Variants in CFAP20DC observed in about 807,000 individuals in gnomAD.
CFAP20DC encodes the protein CFAP20 domain containing.
CFAP20DC carries 84 observed loss-of-function variants against 101.7 expected under a neutral mutation model. The observed-to-expected ratio is 0.83, with a 90% CI of 0.69 to 0.99. The LOEUF (loss-of-function observed/expected upper bound fraction) is 0.99. Among genes scored for constraint, CFAP20DC ranks in the 50% least tolerant of loss-of-function variants. CFAP20DC has a pLI of 0.00. For missense variants in CFAP20DC, 1,007 were observed against 970.3 expected (o/e 1.04, Z -0.50); for synonymous variants, 359 against 351.2 (o/e 1.02, Z -0.25).
chr3:58,906,729 C>T (rs1406357026), intron 6 of CFAP20DC, among the ~76,000 whole-genome samples: 1 of 152,058 alleles, frequency 6.6e-6, no homozygotes, highest in Non-Finnish European at 1.5e-5. Context: ...GAGTTCAAGA[C>T]CAGCCTAGGG....
In CFAP20DC at chr3:59,046,313, T is replaced by C. The variant is rs1427600930; in HGVS notation, c.121A>G (p.Lys41Glu). The change falls in exon 3 of 17, where the codon AAA becomes GAA. Residue 41 changes from lysine (K) to glutamate (E), a missense_variant. By Grantham distance (56) the Lys-to-Glu change is moderately conservative (BLOSUM62 1). Coordinates refer to ENST00000482387, the MANE Select transcript of CFAP20DC (RefSeq NM_001394063.1). Reference sequence around the variant, plus strand: ...ACAAACACAAAACTTTTAACTTCTTTATCAAACTCCTATAGAACAAAATGA... The same window carrying C: ...ACAAACACAAAACTTTTAACTTCTTCATCAAACTCCTATAGAACAAAATGA... ...SPSVIWKEFD[K>E]EVKSFVFVLE... 6.6e-7 allele frequency: 1 copy of C among 1,525,404 alleles called. No homozygotes were observed. 94.5% of individuals were successfully genotyped at this position (1,525,404 alleles called of 1,614,324 possible).
chr3:58,766,228 C>A (rs1273035469), intron 15 of CFAP20DC, among the ~76,000 whole-genome samples: 1 of 152,144 alleles, frequency 6.6e-6, no homozygotes, highest in Non-Finnish European at 1.5e-5. Flanking sequence ...TACGAATGGG[C>A]ATGGCTGGAT....
At chr3:58,904,814 T>C (rs1559799223) in intron 6 of CFAP20DC, among the ~76,000 whole-genome samples, 1 of 152,190 alleles carries the variant, frequency 6.6e-6, no homozygotes, top group Non-Finnish European at 1.5e-5. Context: ...TCAGTGAGTC[T>C]ATTAAGGCTA....
chr3:58,907,885 T>TAA (rs1408021299), intron 6 of CFAP20DC, among the ~76,000 whole-genome samples: 3 of 152,188 alleles, frequency 2.0e-5, no homozygotes, highest in African/African-American at 7.2e-5. Context: ...CCTTGAACCA[T>TAA]AGTGTGCTTC....
intron 4 of CFAP20DC, among the ~76,000 whole-genome samples, chr3:58,948,283 T>C (rs1389463687): frequency 6.6e-6 from 1 of 152,248 alleles, no homozygotes; most frequent in African/African-American, 2.4e-5. Flanking sequence ...TCTCTCTTTA[T>C]TATGCCAACT....
rs911840512 is a variant in CFAP20DC, at chr3:59,014,715, T to G, written c.278+24842A>C. On this transcript the variant is annotated intron_variant, in intron 4 of 16. Coordinates refer to ENST00000482387, the MANE Select transcript of CFAP20DC (RefSeq NM_001394063.1). This position sits in a 1 kb window ranked among gnomAD's most constrained non-coding sequence, Gnocchi z 4.9. The stretch of plus-strand genomic sequence containing the variant: ...TTTACTAACGGCTAACCCTCAATTA[T>G]CTGCATTAATTGTGGAAGTCAGTAG... Among the ~76,000 whole-genome samples the G allele has an allele frequency of 6.6e-6, 1 of 152,154 alleles. No individual in the cohort carries two copies. Among genetic ancestry groups the G allele is most frequent in the African/African-American group, 2.4e-5 (1 of 41,442 alleles).
chr3:58,974,006 G>T (rs2108403783), intron 4 of CFAP20DC, among the ~76,000 whole-genome samples: 1 of 152,254 alleles, frequency 6.6e-6, no homozygotes, highest in Middle Eastern at 3.4e-3. Context: ...GAGTCTGGGT[G>T]ATTCATATGG....
chr3:58,985,080 T>C (rs1195879473), intron 4 of CFAP20DC, among the ~76,000 whole-genome samples: 5 of 152,058 alleles, frequency 3.3e-5, no homozygotes, highest in African/African-American at 1.2e-4. Flanking sequence ...GCGCCCACAA[T>C]GGCCAGCTGA....
Position 58,797,178 on chromosome 3 carries a change from T to A in CFAP20DC, c.2237+9217A>T, listed in dbSNP as rs1177521421. ...AAAAGCTAGAAATGGTTAAGCTTAG[T>A]GAGGAAAGCATGCCTAAAGCCAACA... On this transcript the variant is annotated intron_variant, in intron 15 of 16. Transcript: ENST00000482387. Among the ~76,000 whole-genome samples the A allele has an allele frequency of 5.3e-5, 8 of 152,146 alleles. No homozygotes were observed. The East Asian group carries it at 1.5e-3, about 29-fold the overall frequency.
intron 15 of CFAP20DC, among the ~76,000 whole-genome samples, chr3:58,804,893 T>C (rs571206144): frequency 4.9e-4 from 74 of 152,350 alleles, no homozygotes; most frequent in Non-Finnish European, 7.8e-4. Flanking sequence ...CTATTTGTGA[T>C]AGTGACAATT....
At chr3:58,905,248 T>C (rs567386664) in intron 6 of CFAP20DC, among the ~76,000 whole-genome samples, 1 of 151,322 alleles carries the variant, frequency 6.6e-6, no homozygotes, top group Admixed American at 6.6e-5. Context: ...TTCTCTCCTC[T>C]GTCTTCCTTT....
chr3:58,799,635 T>G lies in CFAP20DC; in HGVS notation c.2237+6760A>C, dbSNP rs2073522220. Among the ~76,000 whole-genome samples, 1 of 152,090 alleles carries G rather than the reference T, an allele frequency of 6.6e-6. No individual in the cohort carries two copies. The highest frequency in any genetic ancestry group is 2.1e-4 in the South Asian group (1 of 4,822). ...GCTTGGCAAGTATATCCCTTGAAAC[T>G]AGGGAGACACTGAACAAGTGAGATA... On this transcript the variant is annotated intron_variant, in intron 15 of 16. Transcript: ENST00000482387. The surrounding 1 kb of genome is among the most constrained non-coding windows in gnomAD (Gnocchi z 4.9).
chr3:58,911,467 G>A (rs891285889), intron 6 of CFAP20DC, among the ~76,000 whole-genome samples: 8 of 152,084 alleles, frequency 5.3e-5, no homozygotes, highest in African/African-American at 1.9e-4. Context: ...ATGATTGGGA[G>A]GAGACATAAG....
At chr3:58,883,263 T>C (rs2081357998) in intron 7 of CFAP20DC, among the ~76,000 whole-genome samples, 1 of 152,206 alleles carries the variant, frequency 6.6e-6, no homozygotes, top group Non-Finnish European at 1.5e-5. Flanking sequence ...TCTGGGCCTT[T>C]GCCATTTTAA....
chr3:58,834,733 T>C (rs915621885), intron 13 of CFAP20DC, among the ~76,000 whole-genome samples: 6 of 152,158 alleles, frequency 3.9e-5, no homozygotes, highest in Non-Finnish European at 8.8e-5. Flanking sequence ...TAATATTACA[T>C]TGAATGCTTA....
At chr3:58,738,181 CT>C (rs370932098), downstream of CFAP20DC, among the ~76,000 whole-genome samples, 15 of 151,332 alleles carry the variant, frequency 9.9e-5, no homozygotes, top group East Asian at 2.3e-3. This position sits in a 1 kb window ranked among gnomAD's most constrained non-coding sequence, Gnocchi z 4.4. Flanking sequence ...ACAGGCAATT[CT>C]TTTTTTTTAA....
At chr3:58,918,164 C>T (rs1325809737) in intron 5 of CFAP20DC, among the ~76,000 whole-genome samples, 1 of 152,144 alleles carries the variant, frequency 6.6e-6, no homozygotes, top group Non-Finnish European at 1.5e-5. Flanking sequence ...TATTACTTCT[C>T]CTTCAACTCT....
chr3:58,866,869 T>C (rs1290487031), intron 10 of CFAP20DC, among the ~76,000 whole-genome samples, 181 bp from the exon 11 acceptor site: 3 of 152,180 alleles, frequency 2.0e-5, no homozygotes. Context: ...TGCATTTTTA[T>C]AGAGGTTCAC....
intron 14 of CFAP20DC, among the ~76,000 whole-genome samples, chr3:58,819,775 C>T (rs2075482328): frequency 6.8e-6 from 1 of 147,322 alleles, no homozygotes; most frequent in Non-Finnish European, 1.5e-5. Flanking sequence ...AGAGGGAATC[C>T]TCCCTAACTC....
Sources: gnomAD v4.1 joint callset for allele counts (sites outside exome capture counted in the v4.1 genomes callset) on GRCh38, gnomAD v4.1.1 for gene constraint, Gnocchi (gnomAD v3.1) non-coding constraint, MANE v1.5 for transcripts, NCBI Gene and HGNC (gene_info 2026-07-23, HGNC 2026-07-21) for gene names.